The following SV2B variants were observed in gnomAD, a reference collection of about 807,000 sequenced individuals.
The protein encoded by SV2B is solute carrier family 22 member B2.
A neutral mutation model predicts 73.9 loss-of-function variants in SV2B; 41 were observed. The observed-to-expected ratio is 0.56, with a 90% CI of 0.43 to 0.72. SV2B has a LOEUF of 0.72. Ranked by LOEUF, SV2B falls within the 30% of genes least tolerant of loss-of-function variation. SV2B has a pLI of 0.00. For synonymous variants in SV2B, 314 were observed against 314.2 expected (o/e 1.00, Z 0.01); for missense variants, 764 against 857.8 (o/e 0.89, Z 1.37).
chr15:91,186,042 G>A (rs895019284), intron 1 of SV2B, among the ~76,000 whole-genome samples: 1 of 152,082 alleles, frequency 6.6e-6, no homozygotes, highest in Non-Finnish European at 1.5e-5. Flanking sequence ...ACATACACGA[G>A]GATTCTTTAT....
rs534577274 is a variant in SV2B, at chr15:91,133,296, GAAAC to G, written c.-392+32949_-392+32952del. On this transcript the variant is annotated intron_variant, in intron 1 of 12. Transcript: ENST00000394232. Reference sequence around the variant, plus strand: ...GCACTAGGAAGCAAAGGGTTTTGATGAAACAAACAAACAAACAAAGAACAAAATT... The same window carrying G: ...GCACTAGGAAGCAAAGGGTTTTGATGAAACAAACAAACAAAGAACAAAATT... Among the ~76,000 whole-genome samples, 94 of 152,118 alleles carry G rather than the reference GAAAC, an allele frequency of 6.2e-4. No homozygotes were observed. In the South Asian group the frequency reaches 0.013, roughly 21 times the overall value.
chr15:91,178,761 T>C (rs373409758), intron 1 of SV2B, among the ~76,000 whole-genome samples: 3 of 149,544 alleles, frequency 2.0e-5, no homozygotes, highest in African/African-American at 7.4e-5. Flanking sequence ...TTTTTTATTG[T>C]GTCTATTTGA....
chr15:91,142,200 G>A (rs924996691), intron 1 of SV2B, among the ~76,000 whole-genome samples: 3 of 152,118 alleles, frequency 2.0e-5, no homozygotes, highest in Non-Finnish European at 4.4e-5. Flanking sequence ...CAGCCTTGCT[G>A]TTCTCTCATC....
chr15:91,221,088 A>G (rs942554239), intron 1 of SV2B, among the ~76,000 whole-genome samples: 1 of 151,500 alleles, frequency 6.6e-6, no homozygotes, highest in African/African-American at 2.4e-5. Flanking sequence ...CTGGTCTCAA[A>G]CTCCTGGAAT....
intron 1 of SV2B, among the ~76,000 whole-genome samples, chr15:91,221,033 T>C (rs2046194687): frequency 6.6e-6 from 1 of 151,754 alleles, no homozygotes; most frequent in Admixed American, 6.6e-5. Context: ...CTGGCTGACT[T>C]TTTGTATTTT....
chr15:91,262,624 C>A (rs951785889), intron 6 of SV2B, among the ~76,000 whole-genome samples: 1 of 152,152 alleles, frequency 6.6e-6, no homozygotes, highest in African/African-American at 2.4e-5. Context: ...CCCTCCACCC[C>A]CAAGTAGACC....
intron 6 of SV2B, among the ~76,000 whole-genome samples, chr15:91,262,255 A>G (rs1227832850): frequency 6.7e-6 from 1 of 149,992 alleles, no homozygotes; most frequent in Admixed American, 6.6e-5. Flanking sequence ...AAACACCAAA[A>G]AACAAAAACA....
At chr15:91,109,982 C>T (rs1317407712) in intron 1 of SV2B, among the ~76,000 whole-genome samples, 1 of 152,168 alleles carries the variant, frequency 6.6e-6, no homozygotes, top group Non-Finnish European at 1.5e-5. Context: ...GGCTTGGCCT[C>T]CCAAAGTGCT....
At chr15:91,246,158 T>C (rs1231564909) in intron 2 of SV2B, among the ~76,000 whole-genome samples, 1 of 152,112 alleles carries the variant, frequency 6.6e-6, no homozygotes, top group Non-Finnish European at 1.5e-5. Flanking sequence ...GAAGCTGGCT[T>C]CTTCTCCAGG....
At chr15:91,206,323 T>C (rs1325137895) in intron 1 of SV2B, among the ~76,000 whole-genome samples, 1 of 151,376 alleles carries the variant, frequency 6.6e-6, no homozygotes, top group Admixed American at 6.6e-5. Flanking sequence ...ATTACAGGCG[T>C]GAGCCACCGT....
At position 91,115,916 on chromosome 15, in the gene SV2B, T is replaced by C. The variant is rs1040725796; in HGVS notation, c.-392+15553T>C. On this transcript the variant is annotated intron_variant, in intron 1 of 12. Coordinates refer to ENST00000394232, the MANE Select transcript of SV2B (RefSeq NM_001323032.3). This position sits in a 1 kb window ranked among gnomAD's most constrained non-coding sequence, Gnocchi z 4.3. The stretch of plus-strand genomic sequence containing the variant: ...TGATCTCTGCCCTCAGGGTGTATAG[T>C]GTAGAAGTTTGTAAAGAAGCTTTGT... Among the ~76,000 whole-genome samples the C allele has an allele frequency of 1.3e-5, 2 of 152,168 alleles. No individual in the cohort carries two copies. The highest frequency in any genetic ancestry group is 2.4e-5 in the African/African-American group (1 of 41,436).
chr15:91,275,470 G>A (rs557880336), intron 9 of SV2B, among the ~76,000 whole-genome samples: 11 of 152,162 alleles, frequency 7.2e-5, no homozygotes, highest in East Asian at 1.9e-4. Flanking sequence ...CTATAAACAC[G>A]TGATATATTG....
rs894286085 is a variant in SV2B at position 91,302,055 on chromosome 15, C to A, written c.*9503C>A. Among the ~76,000 whole-genome samples, 8 of 152,128 alleles carry A rather than the reference C, an allele frequency of 5.3e-5. No homozygotes were observed. Among genetic ancestry groups the A allele is most frequent in the Admixed American group, 1.3e-4 (2 of 15,266 alleles). On this transcript the variant is annotated 3_prime_UTR_variant, in exon 13 of 13. Coordinates refer to ENST00000394232, the MANE Select transcript of SV2B (RefSeq NM_001323032.3). ...TCTGGGCCACTAGGCCAATATTAAC[C>A]AAATTATTATAGACACCATCTTAAT...
intron 1 of SV2B, among the ~76,000 whole-genome samples, chr15:91,148,784 C>G (rs1223583933): frequency 6.6e-6 from 1 of 152,158 alleles, no homozygotes; most frequent in East Asian, 1.9e-4. Flanking sequence ...CATCTGAAGG[C>G]AGAAGACTGA....
Position 91,252,634 on chromosome 15 carries a change from G to A in SV2B, c.784+114G>A, listed in dbSNP as rs1393348217. 1.8e-6 allele frequency: 2 copies of A among 1,130,732 alleles called. No individual in the cohort carries two copies. Among genetic ancestry groups the A allele is most frequent in the Admixed American group, 4.1e-5 (1 of 24,374 alleles). 70.0% of individuals were successfully genotyped at this position (1,130,732 alleles called of 1,614,324 possible). A position where few individuals can be genotyped will look rare whatever the true frequency, so the allele number is the denominator to read the frequency against. On this transcript the variant is annotated intron_variant, in intron 4 of 12. Coordinates refer to ENST00000394232, the MANE Select transcript of SV2B (RefSeq NM_001323032.3). This position sits in a 1 kb window ranked among gnomAD's most constrained non-coding sequence, Gnocchi z 4.6. The stretch of plus-strand genomic sequence containing the variant: ...GTACTCACGCACAGTTCCCGTACGT[G>A]ACCTTGATCTTTCTTAACAACTTCT...
rs1307742835 is a variant in SV2B at position 91,121,542 on chromosome 15, A to G, written c.-392+21179A>G. On this transcript the variant is annotated intron_variant, in intron 1 of 12. Coordinates refer to ENST00000394232, the MANE Select transcript of SV2B (RefSeq NM_001323032.3). The surrounding 1 kb of genome is among the most constrained non-coding windows in gnomAD (Gnocchi z 4.4). Reference sequence around the variant, plus strand: ...ATGTCATTATTTTTTACCTTTTTATATTTTTTTCTTTTCTGTCTGAAGGTA... The same window carrying G: ...ATGTCATTATTTTTTACCTTTTTATGTTTTTTTCTTTTCTGTCTGAAGGTA... Among the ~76,000 whole-genome samples, 3 of 151,294 alleles carry G rather than the reference A, an allele frequency of 2.0e-5. No homozygotes were observed. Among genetic ancestry groups the G allele is most frequent in the Non-Finnish European group, 4.4e-5 (3 of 67,840 alleles).
intron 1 of SV2B, among the ~76,000 whole-genome samples, chr15:91,142,211 C>G (rs530287199): frequency 1.3e-5 from 2 of 152,256 alleles, no homozygotes; most frequent in East Asian, 3.9e-4. Flanking sequence ...TTCTCTCATC[C>G]CTCCCCTGTC....
Position 91,245,892 on chromosome 15 carries a change from TA to T in SV2B, c.452-5925del, listed in dbSNP as rs1481888903. Among the ~76,000 whole-genome samples, 1 of 151,994 alleles carries T rather than the reference TA, an allele frequency of 6.6e-6. No individual in the cohort carries two copies. Among genetic ancestry groups the T allele is most frequent in the Non-Finnish European group, 1.5e-5 (1 of 67,992 alleles). ...TTTTAAAGGGTTGTAAATTTAGGAA[TA>T]ATAATATGATGTGACAGAGACCATA... On this transcript the variant is annotated intron_variant, in intron 2 of 12. Coordinates refer to ENST00000394232, the MANE Select transcript of SV2B (RefSeq NM_001323032.3). This position sits in a 1 kb window ranked among gnomAD's most constrained non-coding sequence, Gnocchi z 4.2.
In SV2B at chr15:91,129,927, T is replaced by C. The variant is rs2042591729; in HGVS notation, c.-392+29564T>C. Among the ~76,000 whole-genome samples, 1 of 152,166 alleles carries C rather than the reference T, an allele frequency of 6.6e-6. No homozygotes were observed. The highest frequency in any genetic ancestry group is 1.5e-5 in the Non-Finnish European group (1 of 68,038). On this transcript the variant is annotated intron_variant, in intron 1 of 12. Transcript: ENST00000394232. This position sits in a 1 kb window ranked among gnomAD's most constrained non-coding sequence, Gnocchi z 5.1. ...AGATAATGCATGTAACACGCTTAGC[T>C]CAGTGCCTGGTCCTTGGCAAAGGCT...
Sources: gnomAD v4.1 joint callset for allele counts (sites outside exome capture counted in the v4.1 genomes callset) on GRCh38, gnomAD v4.1.1 for gene constraint, Gnocchi (gnomAD v3.1) non-coding constraint, MANE v1.5 for transcripts, NCBI Gene and HGNC (gene_info 2026-07-23, HGNC 2026-07-21) for gene names.